ADAM23: variants seen among roughly 807,000 people sequenced by gnomAD.
ADAM23 encodes the protein ADAM metallopeptidase domain 23, also known as disintegrin and metalloproteinase domain-containing protein 23.
In ADAM23, 33 loss-of-function variants were observed where a neutral mutation model predicts 120.1. The observed-to-expected ratio is 0.27, with a 90% CI of 0.21 to 0.37. The LOEUF is 0.37. ADAM23 is among the 10% of genes least tolerant of loss of function. ADAM23 has a pLI of 1.00. For missense variants in ADAM23, 862 were observed against 1,058.2 expected, an observed-to-expected ratio of 0.81 and a Z score of 2.57; for synonymous variants, 367 against 375.2, an observed-to-expected ratio of 0.98 and a Z score of 0.25.
intron 24 of ADAM23, among the ~76,000 whole-genome samples, chr2:206,604,879 C>G (rs900260715): frequency 6.6e-6 from 1 of 152,144 alleles, no homozygotes; most frequent in Non-Finnish European, 1.5e-5. Context: ...TGAAGCCAGT[C>G]CTTTTGATTC....
chr2:206,444,629 CA>C (rs1293148696), intron 1 of ADAM23, among the ~76,000 whole-genome samples: 1 of 152,134 alleles, frequency 6.6e-6, no homozygotes, highest in African/African-American at 2.4e-5. Flanking sequence ...TTATAATGAA[CA>C]ATTAATATAA....
intron 3 of ADAM23, among the ~76,000 whole-genome samples, chr2:206,499,497 G>A (rs1574499231): frequency 7.6e-6 from 1 of 131,848 alleles, no homozygotes; most frequent in African/African-American, 2.8e-5. Context: ...CTGTTGTGGG[G>A]TGGGGGGAGG....
chr2:206,595,987 C>A (rs1698516942), intron 23 of ADAM23, 64 bp from the exon 24 acceptor site: 1 of 1,314,410 alleles, frequency 7.6e-7, no homozygotes, highest in Non-Finnish European at 1.1e-6. Context: ...GTCTCTTTTA[C>A]ATTTATCACT....
chr2:206,508,540 C>A (rs1253949356), intron 3 of ADAM23, among the ~76,000 whole-genome samples: 1 of 151,470 alleles, frequency 6.6e-6, no homozygotes, highest in African/African-American at 2.4e-5. Flanking sequence ...CCTGTAGTCG[C>A]AGCTACCCAG....
chr2:206,565,084 G>A lies in ADAM23; in HGVS notation c.1394+16G>A, dbSNP rs999974110. Reference sequence around the variant, plus strand: ...AGGAAACAGGGTAAATTTTCATTATGCGTGCATTTGATATATGCCTTTTGC... The same window carrying A: ...AGGAAACAGGGTAAATTTTCATTATACGTGCATTTGATATATGCCTTTTGC... On this transcript the variant is annotated intron_variant, in intron 14 of 25. Transcript: ENST00000264377. 1.1e-5 allele frequency: 17 copies of A among 1,613,564 alleles called. No individual in the cohort carries two copies. The highest frequency in any genetic ancestry group is 1.3e-5 in the Non-Finnish European group (15 of 1,179,686).
At chr2:206,610,566 A>C (rs1698808221) in intron 25 of ADAM23, among the ~76,000 whole-genome samples, 1 of 152,238 alleles carries the variant, frequency 6.6e-6, no homozygotes, top group South Asian at 2.1e-4. Context: ...AATTTGAAAA[A>C]TGTGGCTTTG....
chr2:206,579,628 A>G (rs1428370489), intron 18 of ADAM23, among the ~76,000 whole-genome samples: 3 of 152,172 alleles, frequency 2.0e-5, no homozygotes, highest in Non-Finnish European at 4.4e-5. Flanking sequence ...TTTGGTGACT[A>G]TGGCCTTACA....
At chr2:206,539,422 GC>G (rs2105804896) in intron 4 of ADAM23, among the ~76,000 whole-genome samples, 1 of 152,348 alleles carries the variant, frequency 6.6e-6, no homozygotes, top group East Asian at 1.9e-4. Flanking sequence ...GTCAGGGCCA[GC>G]CCTCTTTAAT....
intron 2 of ADAM23, among the ~76,000 whole-genome samples, chr2:206,471,822 C>T (rs1213535663): frequency 1.3e-5 from 2 of 152,034 alleles, no homozygotes; most frequent in African/African-American, 4.8e-5. Context: ...TTCAGGAAGG[C>T]AGTTACCAAG....
At position 206,543,237 on chromosome 2, in the gene ADAM23, G is replaced by T. The variant is rs747379471; in HGVS notation, c.657-16G>T. 7 of 1,612,532 alleles carry T rather than the reference G, an allele frequency of 4.3e-6. No homozygotes were observed. The South Asian group carries it at 5.5e-5, about 13-fold the overall frequency. On this transcript the variant is annotated splice_polypyrimidine_tract_variant and intron_variant, in intron 5 of 25. Transcript: ENST00000264377. Reference sequence around the variant, plus strand: ...GTTTGTTTATTCCCTCCTTTGTGTGGTTTCTTTTGTGCTAGTGGCATGTTT... The same window carrying T: ...GTTTGTTTATTCCCTCCTTTGTGTGTTTTCTTTTGTGCTAGTGGCATGTTT...
chr2:206,567,349 A>G lies in ADAM23; in HGVS notation c.1494+27A>G, dbSNP rs569714597. 7.7e-6 allele frequency: 12 copies of G among 1,558,092 alleles called. No individual in the cohort carries two copies. In the African/African-American group the frequency reaches 1.4e-4, roughly 18 times the overall value. ...TTAGTAACTTAGAAAGCATACTAAG[A>G]AAGTATATTATTTCTCCAGTGTTTT... On this transcript the variant is annotated intron_variant, in intron 15 of 25. Coordinates refer to ENST00000264377, the MANE Select transcript of ADAM23 (RefSeq NM_003812.4).
At chr2:206,524,267 G>C (rs1305987097) in intron 3 of ADAM23, among the ~76,000 whole-genome samples, 1 of 152,158 alleles carries the variant, frequency 6.6e-6, no homozygotes, top group Non-Finnish European at 1.5e-5. Flanking sequence ...AATTGAATTA[G>C]GGTATTTGTG....
chr2:206,586,819 T>G (rs1698330651), intron 18 of ADAM23, among the ~76,000 whole-genome samples: 1 of 152,074 alleles, frequency 6.6e-6, no homozygotes, highest in Non-Finnish European at 1.5e-5. Flanking sequence ...TTTGAAGAGG[T>G]CAGAACTATT....
In ADAM23 at chr2:206,544,698, C is replaced by T. The variant is rs913906834; in HGVS notation, c.720+1382C>T. 2.3e-4 allele frequency among the ~76,000 whole-genome samples: 35 copies of T among 151,400 alleles called. No homozygotes were observed. The South Asian group carries it at 3.1e-3, about 14-fold the overall frequency. On this transcript the variant is annotated intron_variant, in intron 6 of 25. Coordinates refer to ENST00000264377, the MANE Select transcript of ADAM23 (RefSeq NM_003812.4). ...CACTATCTTGGCTCACTGCAAGCTC[C>T]GCCTGCTGGGTTCACGCCATTCTCC...
intron 2 of ADAM23, among the ~76,000 whole-genome samples, chr2:206,455,184 G>T (rs979459991): frequency 6.6e-6 from 1 of 152,216 alleles, no homozygotes; most frequent in African/African-American, 2.4e-5. Flanking sequence ...AAGTTCTCAA[G>T]CCTTGACTTT....
intron 2 of ADAM23, among the ~76,000 whole-genome samples, chr2:206,467,866 A>C (rs1203670900): frequency 1.3e-5 from 2 of 151,780 alleles, no homozygotes; most frequent in African/African-American, 4.8e-5. Flanking sequence ...CCAAGCCTCA[A>C]CTCTTATATT....
At chr2:206,589,314 G>A (rs1452499679) in intron 20 of ADAM23, 95 bp from the exon 21 acceptor site, 2 of 946,818 alleles carry the variant, frequency 2.1e-6, no homozygotes, top group South Asian at 2.0e-5. Flanking sequence ...TCCTTGCTCT[G>A]GAGAATCGGG....
intron 3 of ADAM23, among the ~76,000 whole-genome samples, chr2:206,486,320 G>A (rs537567378): frequency 1.3e-5 from 2 of 151,770 alleles, no homozygotes; most frequent in South Asian, 2.1e-4. Context: ...AGATCACTAG[G>A]GTAACGTTTC....
intron 4 of ADAM23, among the ~76,000 whole-genome samples, chr2:206,538,353 T>C (rs1235302375): frequency 6.6e-6 from 1 of 152,224 alleles, no homozygotes; most frequent in African/African-American, 2.4e-5. Flanking sequence ...TCATTTGTTA[T>C]CAGCTCACTG....
Sources: gnomAD v4.1 joint callset for allele counts (sites outside exome capture counted in the v4.1 genomes callset) on GRCh38, gnomAD v4.1.1 for gene constraint, MANE v1.5 for transcripts, NCBI Gene and HGNC (gene_info 2026-07-23, HGNC 2026-07-21) for gene names.